REG1B: variants seen among roughly 807,000 people sequenced by gnomAD.
REG1B encodes the protein lithostathine-1-beta.
A neutral mutation model predicts 20.4 loss-of-function variants in REG1B; 21 were observed. The observed-to-expected ratio is 1.03, with a 90% CI of 0.73 to 1.48. REG1B has a LOEUF of 1.48. REG1B is among the 40% of genes most tolerant of loss of function. The probability of loss-of-function intolerance (pLI) is 0.00; values close to 1 mark genes in which losing one functional copy is unlikely to be tolerated. For synonymous variants in REG1B, 82 were observed against 73.4 expected (o/e 1.12, Z -0.60); for missense variants, 247 against 197.2 (o/e 1.25, Z -1.51).
chr2:79,085,754 T>A, intron 4 of REG1B, 151 bp from the exon 5 acceptor site: 1 of 507,226 alleles, frequency 2.0e-6, no homozygotes, highest in Non-Finnish European at 3.5e-6. Flanking sequence ...CCTCTGCTTT[T>A]GCTCTAAGCT....
chr2:79,086,649 G>C, intron 3 of REG1B, 145 bp from the exon 4 acceptor site: 1 of 1,311,496 alleles, frequency 7.6e-7, no homozygotes, highest in Non-Finnish European at 1.1e-6. Context: ...TCTGTGCTGG[G>C]AATGTGTCAA....
intron 4 of REG1B, chr2:79,086,112 T>A (rs780222465): frequency 2.1e-5 from 10 of 468,836 alleles, no homozygotes; most frequent in Non-Finnish European, 3.8e-5. Context: ...AAGTTGTACA[T>A]AAAGATGCAT....
At chr2:79,086,023 A>T (rs1039909338) in intron 4 of REG1B, 3 of 307,230 alleles carry the variant, frequency 9.8e-6, no homozygotes, top group Non-Finnish European at 1.8e-5. Flanking sequence ...TGCCAGCAGT[A>T]GATTCTCCTC....
chr2:79,087,887 C>A, intron 1 of REG1B, 72 bp downstream of exon 1: 2 of 349,136 alleles, frequency 5.7e-6, no homozygotes, highest in African/African-American at 2.1e-5. Context: ...AGAAAATCAC[C>A]CTGTATCTAC....
intron 3 of REG1B, 61 bp downstream of exon 3, chr2:79,086,751 C>A (rs533079813): frequency 2.0e-6 from 3 of 1,506,842 alleles, no homozygotes; most frequent in Admixed American, 1.7e-5. Context: ...GAACACACTG[C>A]AAATTAGCAG....
Position 79,086,765 on chromosome 2 carries a change from C to T in REG1B, c.183+47G>A, listed in dbSNP as rs760649403. On this transcript the variant is annotated intron_variant, in intron 3 of 5. Coordinates refer to ENST00000305089, the MANE Select transcript of REG1B (RefSeq NM_006507.4). ...AGAACACACTGCAAATTAGCAGCTG[C>T]CTCTACCTTCATAAGCCTCCCTTCC... 6 of 1,550,380 alleles carry T rather than the reference C, an allele frequency of 3.9e-6. No individual in the cohort carries two copies. The Admixed American group carries it at 1.0e-4, about 26-fold the overall frequency.
In REG1B at chr2:79,087,832, G is replaced by A. The variant is rs545063824; in HGVS notation, c.-47+127C>T. ...ACAGAGGCCAAATTACCCGAAATCA[G>A]CTTTGGTCTTGCTTAAGTTTCATTA... is the stretch of plus-strand genomic sequence containing the variant. On this transcript the variant is annotated intron_variant, in intron 1 of 5. Transcript: ENST00000305089. 7.5e-4 allele frequency: 344 copies of A among 458,408 alleles called. 1 individual carries two copies. Among genetic ancestry groups the A allele is most frequent in the African/African-American group, 3.0e-3 (155 of 50,844 alleles). The allele number at this position is 458,408 out of a possible 1,614,324, so 28.4% of individuals were successfully genotyped here. A position where few individuals can be genotyped will look rare whatever the true frequency, so the allele number is the denominator to read the frequency against.
Position 79,085,099 on chromosome 2 carries a change from G to A in REG1B, c.*117C>T, listed in dbSNP as rs749387207. 21 of 722,422 alleles carry A rather than the reference G, an allele frequency of 2.9e-5. No individual in the cohort carries two copies. The highest frequency in any genetic ancestry group is 4.2e-5 in the Non-Finnish European group (17 of 402,282). The allele number at this position is 722,422 out of a possible 1,614,324, so 44.8% of individuals were successfully genotyped here. ...ACAGGTGAAGGTACTGAAGATCAGCGATGCAAACTCATTAGGGAGGAGATG... is the reference window on the plus strand; with the variant it reads ...ACAGGTGAAGGTACTGAAGATCAGCAATGCAAACTCATTAGGGAGGAGATG... On this transcript the variant is annotated 3_prime_UTR_variant, in exon 6 of 6. Transcript: ENST00000305089.
intron 3 of REG1B, 154 bp from the exon 4 acceptor site, chr2:79,086,658 A>T: frequency 3.8e-6 from 5 of 1,308,286 alleles, no homozygotes; most frequent in Non-Finnish European, 5.5e-6. Flanking sequence ...GGAATGTGTC[A>T]AATGATGGGA....
At chr2:79,085,402 T>A in intron 5 of REG1B, 90 bp downstream of exon 5, 1 of 1,363,418 alleles carries the variant, frequency 7.3e-7, no homozygotes, top group Non-Finnish European at 1.0e-6. Flanking sequence ...GATAAGGAGC[T>A]TACCTTTCCT....
intron 2 of REG1B, 138 bp from the exon 3 acceptor site, chr2:79,087,068 C>T (rs1290809926): frequency 1.9e-5 from 13 of 693,158 alleles, no homozygotes; most frequent in Non-Finnish European, 2.0e-5. Flanking sequence ...CTCACTTCTG[C>T]CCTCCTGCAT....
intron 2 of REG1B, 37 bp from the exon 3 acceptor site, chr2:79,086,967 C>T: frequency 1.9e-6 from 3 of 1,564,268 alleles, no homozygotes; most frequent in South Asian, 2.2e-5. Flanking sequence ...AAGAAAGAAT[C>T]GCAGGGCAAG....
In REG1B at chr2:79,087,661, G is replaced by A; in HGVS notation, c.-46-3C>T. The A allele has an allele frequency of 6.3e-7, 1 of 1,577,518 alleles. No homozygotes were observed. Among genetic ancestry groups the A allele is most frequent in the Non-Finnish European group, 8.7e-7 (1 of 1,148,726 alleles). On this transcript the variant is annotated splice_polypyrimidine_tract_variant and splice_region_variant and intron_variant, in intron 1 of 5. Coordinates refer to ENST00000305089, the MANE Select transcript of REG1B (RefSeq NM_006507.4). ...CTTAAGGAGCAAATCAGCAATCTCT[G>A]TAGGAGAACACAGGGAAGAGGGTTT...
rs562351053 is a variant in REG1B at position 79,087,674 on chromosome 2, G to A, written c.-46-16C>T. On this transcript the variant is annotated splice_polypyrimidine_tract_variant and intron_variant, in intron 1 of 5. Coordinates refer to ENST00000305089, the MANE Select transcript of REG1B (RefSeq NM_006507.4). ...TCAGCAATCTCTGTAGGAGAACACA[G>A]GGAAGAGGGTTTGAAGAAGAGAGCA... The A allele has an allele frequency of 3.3e-6, 5 of 1,531,208 alleles. No individual in the cohort carries two copies. The highest frequency in any genetic ancestry group is 4.5e-5 in the East Asian group (2 of 44,098). 94.9% of individuals were successfully genotyped at this position (1,531,208 alleles called of 1,614,324 possible). A position where few individuals can be genotyped will look rare whatever the true frequency, so the allele number is the denominator to read the frequency against.
At position 79,085,172 on chromosome 2, in the gene REG1B, A is replaced by G. The variant is rs2104015621; in HGVS notation, c.*44T>C. The G allele has an allele frequency of 3.5e-6, 5 of 1,409,738 alleles. No homozygotes were observed. The Middle Eastern group carries it at 5.3e-4, about 149-fold the overall frequency. 87.3% of individuals were successfully genotyped at this position (1,409,738 alleles called of 1,614,324 possible). A position where few individuals can be genotyped will look rare whatever the true frequency, so the allele number is the denominator to read the frequency against. On this transcript the variant is annotated 3_prime_UTR_variant, in exon 6 of 6. Transcript: ENST00000305089. ...AGTCTAGTTTAATTTTTGACTTCAT[A>G]GTAATTGCAGGACCAGTTCTAGACA...
At chr2:79,087,067 G>T in intron 2 of REG1B, 137 bp from the exon 3 acceptor site, 1 of 697,606 alleles carries the variant, frequency 1.4e-6, no homozygotes, top group Non-Finnish European at 2.5e-6. Context: ...GCTCACTTCT[G>T]CCCTCCTGCA....
At position 79,086,148 on chromosome 2, in the gene REG1B, G is replaced by A. The variant is rs112480069; in HGVS notation, c.321+219C>T. The stretch of plus-strand genomic sequence containing the variant: ...TTCTAGAAGTAGACACAATGAGTGG[G>A]TGCATGAATTCCCAGAGCCCAGAAA... On this transcript the variant is annotated intron_variant, in intron 4 of 5. Coordinates refer to ENST00000305089, the MANE Select transcript of REG1B (RefSeq NM_006507.4). The A allele has an allele frequency of 6.0e-3, 3,219 of 540,398 alleles. 54 individuals carry two copies. Among genetic ancestry groups the A allele is most frequent in the African/African-American group, 0.046 (2,416 of 52,780 alleles). The allele number at this position is 540,398 out of a possible 1,614,324, so 33.5% of individuals were successfully genotyped here.
In REG1B at chr2:79,085,295, T is replaced by A. The variant is rs749782078; in HGVS notation, c.434-12A>T. 7 of 1,595,114 alleles carry A rather than the reference T, an allele frequency of 4.4e-6. No individual in the cohort carries two copies. In the Admixed American group the frequency reaches 1.2e-4, roughly 27 times the overall value. ...CCATTTCTTGAATCCTATGGTACAA[T>A]GAGAAGTGTCAGACATAGAGGATCA... On this transcript the variant is annotated splice_polypyrimidine_tract_variant and intron_variant, in intron 5 of 5. Transcript: ENST00000305089.
intron 5 of REG1B, 98 bp downstream of exon 5, chr2:79,085,394 T>C: frequency 7.4e-7 from 1 of 1,351,332 alleles, no homozygotes; most frequent in Non-Finnish European, 1.1e-6. Context: ...ATTTTCCAGA[T>C]AAGGAGCTTA....
Sources: allele counts gnomAD v4.1 joint callset, GRCh38; gene constraint gnomAD v4.1.1; transcripts MANE v1.5; gene names NCBI Gene and HGNC (gene_info 2026-07-23, HGNC 2026-07-21).